DOCK5: variants seen among roughly 807,000 people sequenced by gnomAD.
DOCK5 encodes dedicator of cytokinesis protein 5.
Under a neutral mutation model 251.8 loss-of-function variants are expected in DOCK5, and 142 were observed. The ratio of observed to expected loss-of-function variants is 0.56; its 90% confidence interval spans 0.49 to 0.65. The LOEUF is 0.65. Among genes scored for constraint, DOCK5 ranks in the 30% least tolerant of loss-of-function variants. DOCK5 has a pLI of 0.00. For missense variants in DOCK5, 2,111 were observed against 2,312.3 expected (o/e 0.91, Z 1.79); for synonymous variants, 842 against 835.5 (o/e 1.01, Z -0.13).
chr8:25,330,982 G>T (rs1272586579), intron 18 of DOCK5, among the ~76,000 whole-genome samples: 1 of 151,990 alleles, frequency 6.6e-6, no homozygotes, highest in African/African-American at 2.4e-5. Flanking sequence ...AGGCTGAGGT[G>T]GGAGGAATGC....
chr8:25,226,460 C>T lies in DOCK5; in HGVS notation c.44-17214C>T, dbSNP rs1176877948. ...TCTATTTTTATTAGAGACGGGGTTT[C>T]GCCATGTTGGCCAGGCTGGTCTCAA... On this transcript the variant is annotated intron_variant, in intron 1 of 51. Transcript: ENST00000276440. Among the ~76,000 whole-genome samples, 7 of 151,466 alleles carry T rather than the reference C, an allele frequency of 4.6e-5. No homozygotes were observed. The South Asian group carries it at 6.2e-4, about 14-fold the overall frequency.
intron 34 of DOCK5, 72 bp downstream of exon 34, chr8:25,369,713 T>G (rs2048083): frequency 0.5 from 670,044 of 1,345,864 alleles, 166,546 homozygotes; most frequent in Middle Eastern, 0.56. Context: ...GGGTCCTGTT[T>G]CACCAATAGA....
At chr8:25,390,166 A>G (rs2117317385) in intron 41 of DOCK5, 40 bp from the exon 42 acceptor site, 1 of 1,537,052 alleles carries the variant, frequency 6.5e-7, no homozygotes, top group Non-Finnish European at 8.8e-7. Flanking sequence ...TGACACCTTC[A>G]CGACCCCAGC....
chr8:25,270,763 A>C, intron 3 of DOCK5: 1 of 706,828 alleles, frequency 1.4e-6, no homozygotes, highest in Non-Finnish European at 2.6e-6. Context: ...ATGATTTTTT[A>C]ATATAGTCAT....
At chr8:25,262,199 C>T (rs547838003) in intron 2 of DOCK5, among the ~76,000 whole-genome samples, 3 of 152,276 alleles carry the variant, frequency 2.0e-5, no homozygotes, top group South Asian at 2.1e-4. Context: ...TGCTCCATCT[C>T]CTTACCAGTG....
At chr8:25,262,802 G>T (rs1168851258) in intron 2 of DOCK5, among the ~76,000 whole-genome samples, 1 of 151,620 alleles carries the variant, frequency 6.6e-6, no homozygotes, top group Non-Finnish European at 1.5e-5. Flanking sequence ...ATCCCTCATA[G>T]AAAAGCAAAT....
In DOCK5 at chr8:25,317,167, C is replaced by T. The variant is rs1295822380; in HGVS notation, c.1443+36C>T. 4.4e-6 allele frequency: 7 copies of T among 1,606,242 alleles called. No individual in the cohort carries two copies. In the Admixed American group the frequency reaches 5.0e-5, roughly 12 times the overall value. On this transcript the variant is annotated intron_variant, in intron 14 of 51. Coordinates refer to ENST00000276440, the MANE Select transcript of DOCK5 (RefSeq NM_024940.8). ...TGGCCCAGAAATCCTGCTACCATCG[C>T]ATCCGTCTTTACAATCACGATAGAA...
chr8:25,271,554 G>A (rs1009449546), intron 3 of DOCK5, among the ~76,000 whole-genome samples: 16 of 152,142 alleles, frequency 1.1e-4, no homozygotes, highest in African/African-American at 3.9e-4. Flanking sequence ...GAAATTCTTG[G>A]TGTCATTTAT....
intron 1 of DOCK5, among the ~76,000 whole-genome samples, chr8:25,194,616 C>T (rs1801673488): frequency 6.6e-6 from 1 of 152,134 alleles, no homozygotes; most frequent in South Asian, 2.1e-4. Context: ...TAGCCCCAGA[C>T]CCCTTCCCTG....
intron 2 of DOCK5, among the ~76,000 whole-genome samples, chr8:25,266,025 A>G (rs1473393597): frequency 6.6e-6 from 1 of 151,870 alleles, no homozygotes. Flanking sequence ...CATGGTTGCC[A>G]TGAATTTGCT....
rs369864998 is a variant in DOCK5 at position 25,366,952 on chromosome 8, G to A, written c.3206G>A (p.Arg1069His). The A allele has an allele frequency of 3.6e-5, 58 of 1,613,426 alleles. No homozygotes were observed. The highest frequency in any genetic ancestry group is 6.7e-5 in the Admixed American group (4 of 59,948). ...LQLETFSQAK[R>H]NKIVKKYGDM... ...CTTGAAACCTTCTCACAAGCCAAGC[G>A]CAACAAAATTGTTAAAAAGTAAGTG... Residue 1069 changes from arginine (R) to histidine (H), a missense_variant, in exon 31 of 52, where the codon CGC becomes CAC. Around this residue, in one of 3 missense-constraint regions of DOCK5, gnomAD observed 1,717 missense variants for 1,892.4 expected, o/e 0.91. Transcript: ENST00000276440.
chr8:25,334,005 G>A (rs1335395570), intron 20 of DOCK5, 91 bp from the exon 21 acceptor site: 4 of 910,872 alleles, frequency 4.4e-6, no homozygotes, highest in Non-Finnish European at 7.3e-6. Context: ...ATCCAGAGAG[G>A]AAAGAAGGCA....
intron 1 of DOCK5, among the ~76,000 whole-genome samples, chr8:25,207,272 A>G (rs1330268194): frequency 6.6e-6 from 1 of 152,236 alleles, no homozygotes; most frequent in Non-Finnish European, 1.5e-5. Flanking sequence ...TGAGGCAGCA[A>G]GTGCTGATAT....
chr8:25,217,890 C>A (rs1392805503), intron 1 of DOCK5, among the ~76,000 whole-genome samples: 2 of 152,352 alleles, frequency 1.3e-5, no homozygotes, highest in African/African-American at 4.8e-5. Flanking sequence ...TCTTGCAGGC[C>A]ACTGCACCTA....
intron 18 of DOCK5, among the ~76,000 whole-genome samples, chr8:25,329,123 G>A (rs755427957): frequency 8.5e-5 from 13 of 152,096 alleles, no homozygotes; most frequent in Non-Finnish European, 1.9e-4. Context: ...AAAAGTATGT[G>A]TTCTTAAATT....
At chr8:25,205,789 G>C (rs1264449455) in intron 1 of DOCK5, among the ~76,000 whole-genome samples, 1 of 152,156 alleles carries the variant, frequency 6.6e-6, no homozygotes, top group Non-Finnish European at 1.5e-5. Context: ...AATAAATGCT[G>C]TGTTCATCTT....
chr8:25,321,092 A>G, intron 16 of DOCK5, 40 bp downstream of exon 16: 1 of 1,586,090 alleles, frequency 6.3e-7, no homozygotes, highest in Non-Finnish European at 8.6e-7. Context: ...CCACTTAAAA[A>G]AAATTTGCTC....
At chr8:25,374,940 TA>T (rs1191291155) in intron 37 of DOCK5, 5 of 1,238,362 alleles carry the variant, frequency 4.0e-6, no homozygotes, top group Admixed American at 3.8e-5. Context: ...GATGAATACA[TA>T]AAAAAATTTG....
chr8:25,403,298 TAGC>T lies in DOCK5; in HGVS notation c.4927-257_4927-255del, dbSNP rs541264469. 1.0e-3 allele frequency among the ~76,000 whole-genome samples: 153 copies of T among 152,320 alleles called. 2 individuals are homozygous for T. In the South Asian group the frequency reaches 0.031, roughly 31 times the overall value. On this transcript the variant is annotated intron_variant, in intron 47 of 51. Transcript: ENST00000276440. Reference sequence around the variant, plus strand: ...TTAATTTTTTCCTGTCTCATTTAGGTAGCAGAAAATTATGACAACTTTTTCTCT... The same window carrying T: ...TTAATTTTTTCCTGTCTCATTTAGGTAGAAAATTATGACAACTTTTTCTCT...
Sources: gnomAD v4.1 joint callset for allele counts (sites outside exome capture counted in the v4.1 genomes callset) on GRCh38, gnomAD v4.1.1 for gene constraint, gnomAD v4.1.1 regional missense constraint, MANE v1.5 for transcripts, NCBI Gene and HGNC (gene_info 2026-07-23, HGNC 2026-07-21) for gene names.